SLTM: variants seen among roughly 807,000 people sequenced by gnomAD.
SLTM encodes SAFB like transcription modulator, also known as SAFB-like transcription modulator.
A neutral mutation model predicts 134.6 loss-of-function variants in SLTM; 43 were observed. The observed-to-expected ratio is 0.32, with a 90% CI of 0.25 to 0.41. The LOEUF (loss-of-function observed/expected upper bound fraction) is 0.41, where lower values mean the gene tolerates loss of function less well. Among genes scored for constraint, SLTM ranks in the 10% least tolerant of loss-of-function variants. The pLI, the probability that SLTM is intolerant of heterozygous loss-of-function variation, is 1.00. For synonymous variants in SLTM, 424 were observed against 432.3 expected (o/e 0.98, Z 0.24); for missense variants, 1,055 against 1,288.8 (o/e 0.82, Z 2.78).
rs372613389 is a variant in SLTM, at chr15:58,892,887, C to T, written c.1898+10G>A. The T allele has an allele frequency of 3.1e-6, 5 of 1,611,578 alleles. No individual in the cohort carries two copies. The African/African-American group carries it at 5.4e-5, about 17-fold the overall frequency. ...TTTAAAGACAGGTATAAAACAGACTCTCTTCCTACCTTCGAAGTTCCATTG... is the reference window on the plus strand; with the variant it reads ...TTTAAAGACAGGTATAAAACAGACTTTCTTCCTACCTTCGAAGTTCCATTG... On this transcript the variant is annotated intron_variant, in intron 14 of 20. Transcript: ENST00000380516.
intron 13 of SLTM, 68 bp downstream of exon 13, chr15:58,893,211 G>C (rs764936124): frequency 1.5e-5 from 22 of 1,472,406 alleles, no homozygotes; most frequent in East Asian, 2.3e-5. Context: ...GATGGTTATG[G>C]AAAAACAGAA....
intron 12 of SLTM, 103 bp from the exon 13 acceptor site, chr15:58,893,467 G>T: frequency 1.3e-6 from 1 of 766,214 alleles, no homozygotes; most frequent in Non-Finnish European, 2.1e-6. Context: ...ACCAATACAT[G>T]AAATAAAAAA....
chr15:58,919,344 CAGCA>C (rs1388853197), intron 2 of SLTM, among the ~76,000 whole-genome samples: 1 of 152,106 alleles, frequency 6.6e-6, no homozygotes, highest in Non-Finnish European at 1.5e-5. Flanking sequence ...CCTGTAATCC[CAGCA>C]TTTTGGGAGG....
At chr15:58,885,699 G>A (rs2034122310) in intron 19 of SLTM, among the ~76,000 whole-genome samples, 1 of 152,038 alleles carries the variant, frequency 6.6e-6, no homozygotes, top group African/African-American at 2.4e-5. Context: ...AAGGAAAATC[G>A]CTTGAACCTG....
intron 2 of SLTM, among the ~76,000 whole-genome samples, chr15:58,919,522 C>T (rs1355381583): frequency 6.6e-6 from 1 of 151,790 alleles, no homozygotes; most frequent in African/African-American, 2.4e-5. Context: ...ACTGCTTGAA[C>T]CCAGGAGGTG....
At chr15:58,921,143 T>TCCTAGCACTGAA (rs1169750080) in intron 2 of SLTM, among the ~76,000 whole-genome samples, 17 of 152,332 alleles carry the variant, frequency 1.1e-4, no homozygotes, top group Middle Eastern at 3.4e-3. Flanking sequence ...GTGGCATCTA[T>TCCTAGCACTGAA]GGTCCAGGTG....
chr15:58,920,497 C>A, intron 2 of SLTM, among the ~76,000 whole-genome samples: 1 of 151,498 alleles, frequency 6.6e-6, no homozygotes, highest in Middle Eastern at 3.2e-3. Context: ...GTGGCACATG[C>A]CTGTAATCCC....
chr15:58,906,403 G>A (rs1472474865), intron 5 of SLTM, among the ~76,000 whole-genome samples: 6 of 152,146 alleles, frequency 3.9e-5, no homozygotes, highest in African/African-American at 1.4e-4. Context: ...AGTGGGATGT[G>A]CAATCCTTAG....
chr15:58,887,208 T>G lies in SLTM; in HGVS notation c.2690+18A>C, dbSNP rs2140955360. 1 of 1,612,632 alleles carries G rather than the reference T, an allele frequency of 6.2e-7. No individual in the cohort carries two copies. Among genetic ancestry groups the G allele is most frequent in the Non-Finnish European group, 8.5e-7 (1 of 1,179,024 alleles). On this transcript the variant is annotated intron_variant, in intron 18 of 20. Transcript: ENST00000380516. ...ATGCATGAGACCACTAGGAAAGCAT[T>G]ACATAGTACACAGCTACCTTGTTTC...
chr15:58,898,576 G>C (rs373941911), intron 8 of SLTM: 6 of 416,696 alleles, frequency 1.4e-5, no homozygotes, highest in African/African-American at 1.1e-4. Flanking sequence ...CTAGCTAATG[G>C]GTTTTTAACG....
Position 58,899,595 on chromosome 15 carries a change from C to A in SLTM, c.932G>T (p.Cys311Phe). 1.2e-6 allele frequency: 2 copies of A among 1,614,200 alleles called. No homozygotes were observed. The highest frequency in any genetic ancestry group is 1.7e-6 in the Non-Finnish European group (2 of 1,180,032). ...ANHKDGKKED[C>F]VKGDPVEKEA... ...CTTCTCGACAGGGTCACCCTTCACG[C>A]AGTCTTCCTTCTTACCATCTTTATG... Residue 311 changes from cysteine to phenylalanine, a missense_variant, in exon 7 of 21, where the codon TGC becomes TTC. Cys to Phe is a radical substitution (Grantham distance 205). This residue lies in a region of SLTM where 776 missense variants were observed against 962.2 expected (regional missense o/e 0.81). Transcript: ENST00000380516. This position sits in a 1 kb window ranked among gnomAD's most constrained non-coding sequence, Gnocchi z 5.0.
At chr15:58,927,079 AG>A (rs2037524117) in intron 2 of SLTM, among the ~76,000 whole-genome samples, 1 of 152,206 alleles carries the variant, frequency 6.6e-6, no homozygotes, top group Non-Finnish European at 1.5e-5. Context: ...GTGTTCTAAA[AG>A]TAAGTATATT....
chr15:58,903,888 A>G (rs1184436740), intron 5 of SLTM, among the ~76,000 whole-genome samples: 1 of 152,250 alleles, frequency 6.6e-6, no homozygotes, highest in South Asian at 2.1e-4. Flanking sequence ...ATACAATTTT[A>G]GATTCATATA....
intron 14 of SLTM, 46 bp from the exon 15 acceptor site, chr15:58,890,507 G>A (rs1233001638): frequency 1.3e-6 from 2 of 1,529,776 alleles, no homozygotes; most frequent in Middle Eastern, 1.7e-4. Context: ...TGCTAGCACT[G>A]TGTGAAAGAG....
chr15:58,894,680 C>T lies in SLTM; in HGVS notation c.1228-98G>A, dbSNP rs1365035024. On this transcript the variant is annotated intron_variant, in intron 9 of 20. Transcript: ENST00000380516. ...TCACAACTGAAACTATATATTAATT[C>T]AGGGTGTATCTTATTCTGTCTCATG... 460 of 1,091,504 alleles carry T rather than the reference C, an allele frequency of 4.2e-4. 2 individuals carry two copies. The highest frequency in any genetic ancestry group is 5.5e-5 in the Non-Finnish European group (41 of 741,718). The allele number at this position is 1,091,504 out of a possible 1,614,324, so 67.6% of individuals were successfully genotyped here. A position where few individuals can be genotyped will look rare whatever the true frequency, so the allele number is the denominator to read the frequency against.
intron 1 of SLTM, among the ~76,000 whole-genome samples, chr15:58,932,721 T>C (rs145327923): frequency 3.5e-4 from 53 of 152,328 alleles, no homozygotes; most frequent in African/African-American, 1.2e-3. Context: ...AATCCAAATA[T>C]GTTCTATTGC....
intron 1 of SLTM, among the ~76,000 whole-genome samples, chr15:58,932,911 T>C (rs2037980107): frequency 6.6e-6 from 1 of 152,184 alleles, no homozygotes; most frequent in African/African-American, 2.4e-5. Context: ...AAACAAAAAC[T>C]CTGTCACCCA....
Position 58,899,998 on chromosome 15 carries a change from A to G in SLTM, c.590-61T>C. ...AAGAAGTTTAAACAATTTCATATTCATAAGCTAGAATAGGACCTAGAAAAT... is the reference window on the plus strand; with the variant it reads ...AAGAAGTTTAAACAATTTCATATTCGTAAGCTAGAATAGGACCTAGAAAAT... On this transcript the variant is annotated intron_variant, in intron 6 of 20. Transcript: ENST00000380516. The surrounding 1 kb of genome is among the most constrained non-coding windows in gnomAD (Gnocchi z 5.0). 2 of 1,293,480 alleles carry G rather than the reference A, an allele frequency of 1.5e-6. No individual in the cohort carries two copies. The highest frequency in any genetic ancestry group is 2.3e-5 in the East Asian group (1 of 43,064). The allele number at this position is 1,293,480 out of a possible 1,614,324, so 80.1% of individuals were successfully genotyped here. A position where few individuals can be genotyped will look rare whatever the true frequency, so the allele number is the denominator to read the frequency against.
At chr15:58,919,670 ACACT>A (rs2036888208) in intron 2 of SLTM, among the ~76,000 whole-genome samples, 2 of 152,098 alleles carry the variant, frequency 1.3e-5, no homozygotes, top group South Asian at 2.1e-4. Flanking sequence ...TCTCCCATAC[ACACT>A]CACCACCAAA....
Sources: allele counts gnomAD v4.1 joint callset (sites outside exome capture counted in the v4.1 genomes callset), GRCh38; gene constraint gnomAD v4.1.1; regional missense constraint gnomAD v4.1.1; non-coding constraint Gnocchi (gnomAD v3.1); transcripts MANE v1.5; gene names NCBI Gene and HGNC (gene_info 2026-07-23, HGNC 2026-07-21).